GET3: variants seen among roughly 807,000 people sequenced by gnomAD.
The protein encoded by GET3 is ATPase GET3.
In GET3, 15 loss-of-function variants were observed where a neutral mutation model predicts 32.4. The observed-to-expected ratio is 0.46, with a 90% CI of 0.31 to 0.71. GET3 has a LOEUF of 0.71. Ranked by LOEUF, GET3 falls within the 30% of genes least tolerant of loss-of-function variation. The probability of loss-of-function intolerance (pLI) is 0.05; values close to 1 mark genes in which losing one functional copy is unlikely to be tolerated. For synonymous variants in GET3, 198 were observed against 185.6 expected, an observed-to-expected ratio of 1.07 and a Z score of -0.54; for missense variants, 333 against 459.0, an observed-to-expected ratio of 0.73 and a Z score of 2.51.
chr19:12,742,008 T>TC (rs1273526564), intron 2 of GET3, among the ~76,000 whole-genome samples: 1 of 152,070 alleles, frequency 6.6e-6, no homozygotes, highest in Non-Finnish European at 1.5e-5. Flanking sequence ...GCCATACCTA[T>TC]CATTTCAGTG....
chr19:12,739,793 T>C (rs1254058424), intron 2 of GET3, among the ~76,000 whole-genome samples: 1 of 151,500 alleles, frequency 6.6e-6, no homozygotes, highest in Non-Finnish European at 1.5e-5. Flanking sequence ...CCTGTAATCC[T>C]AGCACTTTGA....
In GET3 at chr19:12,747,734, G is replaced by T; in HGVS notation, c.915+142G>T. The stretch of plus-strand genomic sequence containing the variant: ...TTTCAGATCCTTCACCCTTATTCCG[G>T]CCATAGAGGACTGTGGCTGGCCTGG... On this transcript the variant is annotated intron_variant, in intron 6 of 6. Coordinates refer to ENST00000357332, the MANE Select transcript of GET3 (RefSeq NM_004317.4). The surrounding 1 kb of genome is among the most constrained non-coding windows in gnomAD (Gnocchi z 4.0). The T allele has an allele frequency of 8.1e-7, 1 of 1,236,300 alleles. No homozygotes were observed. The highest frequency in any genetic ancestry group is 1.1e-6 in the Non-Finnish European group (1 of 896,068). The allele number at this position is 1,236,300 out of a possible 1,614,324, so 76.6% of individuals were successfully genotyped here.
At chr19:12,744,134 T>C (rs978471638) in intron 2 of GET3, among the ~76,000 whole-genome samples, 2 of 148,694 alleles carry the variant, frequency 1.3e-5, no homozygotes, top group Admixed American at 6.7e-5. Flanking sequence ...GAGAATTGCT[T>C]GAACCCAGAA....
In GET3 at chr19:12,747,826, C is replaced by T; in HGVS notation, c.916-147C>T. 1 of 1,020,146 alleles carries T rather than the reference C, an allele frequency of 9.8e-7. No individual in the cohort carries two copies. Among genetic ancestry groups the T allele is most frequent in the African/African-American group, 1.6e-5 (1 of 62,250 alleles). The allele number at this position is 1,020,146 out of a possible 1,614,324, so 63.2% of individuals were successfully genotyped here. On this transcript the variant is annotated intron_variant, in intron 6 of 6. Transcript: ENST00000357332. The surrounding 1 kb of genome is among the most constrained non-coding windows in gnomAD (Gnocchi z 4.0). ...GTGATCTCTGACCATAGTGATGCAG[C>T]TCCCACTTATGACACCTTAAGCTCC...
At chr19:12,742,209 T>C (rs921158415) in intron 2 of GET3, among the ~76,000 whole-genome samples, 3 of 151,190 alleles carry the variant, frequency 2.0e-5, no homozygotes, top group African/African-American at 7.3e-5. Context: ...GAGGCTGCAA[T>C]GAGCTATGTA....
chr19:12,746,719 C>T (rs560830401), intron 4 of GET3, among the ~76,000 whole-genome samples: 2 of 152,234 alleles, frequency 1.3e-5, no homozygotes, highest in Admixed American at 1.3e-4. Context: ...CTAAAAATGG[C>T]AAAGCTGAGG....
chr19:12,745,540 G>A lies in GET3; in HGVS notation c.458+15G>A. Reference sequence around the variant, plus strand: ...GAGGTCATGAGGTCAGGCCCAGCCAGCAGGGGTGGGGGCTGCCTGGGGAAG... The same window carrying A: ...GAGGTCATGAGGTCAGGCCCAGCCAACAGGGGTGGGGGCTGCCTGGGGAAG... On this transcript the variant is annotated intron_variant, in intron 3 of 6. Coordinates refer to ENST00000357332, the MANE Select transcript of GET3 (RefSeq NM_004317.4). This position sits in a 1 kb window ranked among gnomAD's most constrained non-coding sequence, Gnocchi z 5.0. 1 of 1,612,846 alleles carries A rather than the reference G, an allele frequency of 6.2e-7. No individual in the cohort carries two copies. The highest frequency in any genetic ancestry group is 8.5e-7 in the Non-Finnish European group (1 of 1,180,004).
At chr19:12,737,431 G>A (rs1967589432), upstream of GET3, 9 of 1,377,044 alleles carry the variant, frequency 6.5e-6, no homozygotes, top group Non-Finnish European at 7.5e-6. Flanking sequence ...AGCTTCGCTA[G>A]GAATGTGATA....
Position 12,745,337 on chromosome 19 carries a change from G to A in GET3, c.310-40G>A, listed in dbSNP as rs1433368649. ...GTGCCCAGGTGGGAAGGCTCCCCCAGCAGTAGCAGCAACCTCAGTCTCATC... is the reference window on the plus strand; with the variant it reads ...GTGCCCAGGTGGGAAGGCTCCCCCAACAGTAGCAGCAACCTCAGTCTCATC... On this transcript the variant is annotated intron_variant, in intron 2 of 6. Transcript: ENST00000357332. The surrounding 1 kb of genome is among the most constrained non-coding windows in gnomAD (Gnocchi z 5.0). 6.3e-7 allele frequency: 1 copy of A among 1,596,680 alleles called. No homozygotes were observed. The highest frequency in any genetic ancestry group is 1.1e-5 in the South Asian group (1 of 90,484).
At position 12,747,189 on chromosome 19, in the gene GET3, C is replaced by T. The variant is rs1967788428; in HGVS notation, c.610-8C>T. On this transcript the variant is annotated splice_region_variant and splice_polypyrimidine_tract_variant and intron_variant, in intron 4 of 6. Transcript: ENST00000357332. The surrounding 1 kb of genome is among the most constrained non-coding windows in gnomAD (Gnocchi z 4.0). ...TAAGCTATGAGCCCTCCCACATCCCCCCTGCAGATGTGCAACATGCTGGGC... is the reference window on the plus strand; with the variant it reads ...TAAGCTATGAGCCCTCCCACATCCCTCCTGCAGATGTGCAACATGCTGGGC... 6.3e-7 allele frequency: 1 copy of T among 1,582,700 alleles called. No homozygotes were observed. Among genetic ancestry groups the T allele is most frequent in the South Asian group, 1.2e-5 (1 of 86,638 alleles).
chr19:12,743,153 C>T (rs1043823120), intron 2 of GET3, among the ~76,000 whole-genome samples: 1 of 152,140 alleles, frequency 6.6e-6, no homozygotes. Flanking sequence ...CATGAAGTTA[C>T]CAAGAAGAGG....
upstream of GET3, chr19:12,737,258 G>T (rs1444826412): frequency 2.5e-6 from 1 of 400,030 alleles, no homozygotes; most frequent in East Asian, 4.3e-5. Flanking sequence ...ATCAGTGAAA[G>T]GGAGTAGCCT....
intron 1 of GET3, among the ~76,000 whole-genome samples, chr19:12,738,240 C>T (rs533461721): frequency 2.0e-5 from 3 of 152,300 alleles, no homozygotes; most frequent in Admixed American, 1.3e-4. Flanking sequence ...GGCCATGCCA[C>T]TGTGCCCAGC....
chr19:12,748,111 T>A lies in GET3; in HGVS notation c.*7T>A. 6.3e-7 allele frequency: 1 copy of A among 1,576,920 alleles called. No individual in the cohort carries two copies. The highest frequency in any genetic ancestry group is 8.6e-7 in the Non-Finnish European group (1 of 1,156,212). On this transcript the variant is annotated 3_prime_UTR_variant, in exon 7 of 7. Transcript: ENST00000357332. ...GCCCCCCAGTGCCCAGTAGCACAGCTGCCAGCCCCAACCGCTGCCATTTCA... is the reference window on the plus strand; with the variant it reads ...GCCCCCCAGTGCCCAGTAGCACAGCAGCCAGCCCCAACCGCTGCCATTTCA...
chr19:12,740,722 G>C (rs1168838253), intron 2 of GET3, among the ~76,000 whole-genome samples: 1 of 152,214 alleles, frequency 6.6e-6, no homozygotes, highest in Non-Finnish European at 1.5e-5. Context: ...GCTGCAGAGT[G>C]AGGATGCTGG....
chr19:12,741,045 C>T (rs1407186590), intron 2 of GET3, among the ~76,000 whole-genome samples: 2 of 152,186 alleles, frequency 1.3e-5, no homozygotes, highest in African/African-American at 2.4e-5. Flanking sequence ...GGAGCAAGGG[C>T]GGGCGTGGTG....
In GET3 at chr19:12,745,178, T is replaced by G. The variant is rs1312428908; in HGVS notation, c.310-199T>G. 6.6e-6 allele frequency among the ~76,000 whole-genome samples: 1 copy of G among 151,988 alleles called. No individual in the cohort carries two copies. Among genetic ancestry groups the G allele is most frequent in the African/African-American group, 2.4e-5 (1 of 41,378 alleles). ...CAATTTTCCCCTTGTTTTTGACCCT[T>G]TATGCAACCATACAAAACCCTAAGT... On this transcript the variant is annotated intron_variant, in intron 2 of 6. Coordinates refer to ENST00000357332, the MANE Select transcript of GET3 (RefSeq NM_004317.4). This position sits in a 1 kb window ranked among gnomAD's most constrained non-coding sequence, Gnocchi z 5.0.
intron 2 of GET3, among the ~76,000 whole-genome samples, chr19:12,743,261 T>G (rs1221060906): frequency 6.7e-6 from 1 of 149,626 alleles, no homozygotes; most frequent in Admixed American, 6.7e-5. Flanking sequence ...GTGGATCACC[T>G]GAGGTTGGGA....
rs554025573 is a variant in GET3 at position 12,747,035 on chromosome 19, A to G, written c.610-162A>G. ...AAAAAAAAAAAAAAAAGAAAGAAAG[A>G]AATGGAAAAGCTAGTATTTGACCAA... On this transcript the variant is annotated intron_variant, in intron 4 of 6. Coordinates refer to ENST00000357332, the MANE Select transcript of GET3 (RefSeq NM_004317.4). This position sits in a 1 kb window ranked among gnomAD's most constrained non-coding sequence, Gnocchi z 4.0. Among the ~76,000 whole-genome samples the G allele has an allele frequency of 1.1e-4, 16 of 151,868 alleles. No individual in the cohort carries two copies. The highest frequency in any genetic ancestry group is 3.4e-4 in the African/African-American group (14 of 41,418).
Sources: gnomAD v4.1 joint callset for allele counts (sites outside exome capture counted in the v4.1 genomes callset) on GRCh38, gnomAD v4.1.1 for gene constraint, Gnocchi (gnomAD v3.1) non-coding constraint, MANE v1.5 for transcripts, NCBI Gene and HGNC (gene_info 2026-07-23, HGNC 2026-07-21) for gene names.